The following KIF13A variants were observed in gnomAD, a reference collection of about 807,000 sequenced individuals.
KIF13A encodes the protein kinesin family member 13A, also known as kinesin-like protein KIF13A.
A neutral mutation model predicts 212.2 loss-of-function variants in KIF13A; 79 were observed. That is an observed-to-expected ratio of 0.37 (90% CI 0.31 to 0.45). The LOEUF (loss-of-function observed/expected upper bound fraction) is 0.45. Among genes scored for constraint, KIF13A ranks in the 20% least tolerant of loss-of-function variants. KIF13A has a pLI of 1.00. For synonymous variants in KIF13A, 789 were observed against 808.6 expected (o/e 0.98, Z 0.41); for missense variants, 1,901 against 2,209.0 (o/e 0.86, Z 2.79).
At chr6:17,824,759 T>TAA (rs1764799818) in intron 16 of KIF13A, among the ~76,000 whole-genome samples, 2 of 46,644 alleles carry the variant, frequency 4.3e-5, no homozygotes, top group African/African-American at 2.0e-4. Context: ...AGACTCCGTC[T>TAA]CAAAAAAAAA....
Position 17,900,997 on chromosome 6 carries a change from G to C in KIF13A, c.147-2817C>G, listed in dbSNP as rs1361448461. Among the ~76,000 whole-genome samples, 1 of 146,968 alleles carries C rather than the reference G, an allele frequency of 6.8e-6. No homozygotes were observed. Among genetic ancestry groups the C allele is most frequent in the Admixed American group, 7.0e-5 (1 of 14,288 alleles). Reference sequence around the variant, plus strand: ...GGAGGCTGAGGCAGGAGAATGGCGTGAACCCAGGAGGCGGAGCTTGCAGTG... The same window carrying C: ...GGAGGCTGAGGCAGGAGAATGGCGTCAACCCAGGAGGCGGAGCTTGCAGTG... On this transcript the variant is annotated intron_variant, in intron 2 of 38. Coordinates refer to ENST00000259711, the MANE Select transcript of KIF13A (RefSeq NM_022113.6). This position sits in a 1 kb window ranked among gnomAD's most constrained non-coding sequence, Gnocchi z 4.6.
chr6:17,779,207 T>C (rs1760263076), intron 32 of KIF13A, 108 bp from the exon 33 acceptor site: 2 of 697,266 alleles, frequency 2.9e-6, no homozygotes, highest in Non-Finnish European at 4.8e-6. Context: ...CATTCTCCAT[T>C]ATTTAGATAC....
intron 2 of KIF13A, among the ~76,000 whole-genome samples, chr6:17,949,105 G>C (rs975647675): frequency 6.6e-5 from 10 of 152,140 alleles, no homozygotes; most frequent in Admixed American, 5.9e-4. Context: ...CATCTCAAAG[G>C]AGATGCTAAA....
rs1359322743 is a variant in KIF13A, at chr6:17,968,344, T to G, written c.146+18710A>C. Among the ~76,000 whole-genome samples, 2 of 152,200 alleles carry G rather than the reference T, an allele frequency of 1.3e-5. No individual in the cohort carries two copies. The highest frequency in any genetic ancestry group is 1.9e-4 in the East Asian group (1 of 5,190). On this transcript the variant is annotated intron_variant, in intron 2 of 38. Coordinates refer to ENST00000259711, the MANE Select transcript of KIF13A (RefSeq NM_022113.6). The surrounding 1 kb of genome is among the most constrained non-coding windows in gnomAD (Gnocchi z 4.7). ...CTGGCAATCTACCAGTACCTCTCCT[T>G]TCTCTCAATTCTTTCACTCCAGTCC...
At position 17,816,437 on chromosome 6, in the gene KIF13A, A is replaced by C. The variant is rs1443026592; in HGVS notation, c.2000+583T>G. On this transcript the variant is annotated intron_variant, in intron 17 of 38. Transcript: ENST00000259711. This position sits in a 1 kb window ranked among gnomAD's most constrained non-coding sequence, Gnocchi z 4.3. Reference sequence around the variant, plus strand: ...AGGCTGGTCTTAAACTCCTGGGCTCAAGCGATCCTCCCAGTGACCTTATAG... The same window carrying C: ...AGGCTGGTCTTAAACTCCTGGGCTCCAGCGATCCTCCCAGTGACCTTATAG... Among the ~76,000 whole-genome samples the C allele has an allele frequency of 6.6e-6, 1 of 152,138 alleles. No individual in the cohort carries two copies. The highest frequency in any genetic ancestry group is 1.5e-5 in the Non-Finnish European group (1 of 68,016).
intron 2 of KIF13A, among the ~76,000 whole-genome samples, chr6:17,946,636 T>G (rs2150563714): frequency 6.6e-6 from 1 of 152,370 alleles, no homozygotes; most frequent in East Asian, 1.9e-4. Context: ...CTGATAATAT[T>G]AAGTACTGTC....
intron 2 of KIF13A, among the ~76,000 whole-genome samples, chr6:17,956,143 G>GT (rs1364554587): frequency 2.6e-5 from 4 of 152,166 alleles, no homozygotes; most frequent in African/African-American, 9.7e-5. Flanking sequence ...CCTTACATCC[G>GT]TAAGATGCAG....
chr6:17,766,962 G>A (rs1759047925), intron 38 of KIF13A, among the ~76,000 whole-genome samples: 1 of 152,170 alleles, frequency 6.6e-6, no homozygotes, highest in African/African-American at 2.4e-5. Flanking sequence ...AAATAAATGT[G>A]TAAAGGAATT....
Position 17,883,737 on chromosome 6 carries a change from G to A in KIF13A, c.160-10300C>T, listed in dbSNP as rs1007507815. Among the ~76,000 whole-genome samples the A allele has an allele frequency of 6.6e-6, 1 of 152,158 alleles. No individual in the cohort carries two copies. The highest frequency in any genetic ancestry group is 6.5e-5 in the Admixed American group (1 of 15,284). On this transcript the variant is annotated intron_variant, in intron 3 of 38. Coordinates refer to ENST00000259711, the MANE Select transcript of KIF13A (RefSeq NM_022113.6). This position sits in a 1 kb window ranked among gnomAD's most constrained non-coding sequence, Gnocchi z 4.8. ...ATCCTTTGGGTATATTGAACACAGT[G>A]AGATGTCTAGGGAAAAGAAGAAGGA...
At chr6:17,904,324 C>T (rs1280185620) in intron 2 of KIF13A, among the ~76,000 whole-genome samples, 2 of 150,866 alleles carry the variant, frequency 1.3e-5, no homozygotes, top group East Asian at 2.0e-4. Context: ...AAAAATTAGC[C>T]GGGTGTTGTG....
At chr6:17,864,190 A>G (rs1196206696) in intron 4 of KIF13A, among the ~76,000 whole-genome samples, 5 of 152,324 alleles carry the variant, frequency 3.3e-5, no homozygotes, top group Admixed American at 3.3e-4. Context: ...GTGACTTTTC[A>G]GCAGAACCGA....
At chr6:17,879,143 C>T (rs142002572) in intron 3 of KIF13A, among the ~76,000 whole-genome samples, 2 of 152,128 alleles carry the variant, frequency 1.3e-5, no homozygotes. Context: ...CCCTTTCCCT[C>T]CTATGAAATT....
At chr6:17,944,059 T>C (rs1777171897) in intron 2 of KIF13A, among the ~76,000 whole-genome samples, 1 of 152,226 alleles carries the variant, frequency 6.6e-6, no homozygotes, top group African/African-American at 2.4e-5. Context: ...TTATGTGGCA[T>C]CTCCAACTCT....
intron 20 of KIF13A, among the ~76,000 whole-genome samples, chr6:17,801,974 GATT>G (rs1762506661): frequency 1.3e-5 from 2 of 152,138 alleles, no homozygotes. Flanking sequence ...AGAGGAAAAG[GATT>G]ATTCTAAAAT....
intron 16 of KIF13A, among the ~76,000 whole-genome samples, chr6:17,817,959 A>G (rs1764096368): frequency 6.6e-6 from 1 of 152,224 alleles, no homozygotes; most frequent in Non-Finnish European, 1.5e-5. Flanking sequence ...TGGTTGTGGT[A>G]TAGGTAAATC....
chr6:17,935,908 A>G (rs1017407983), intron 2 of KIF13A, among the ~76,000 whole-genome samples: 1 of 152,212 alleles, frequency 6.6e-6, no homozygotes, highest in Admixed American at 6.5e-5. Context: ...TCTTAAAGCC[A>G]TATTTCCTCT....
rs368759527 is a variant in KIF13A, at chr6:17,856,002, C to T, written c.313+28G>A. Reference sequence around the variant, plus strand: ...CTGGGATTATAGGCATGATCCCCCACATCTGGTCTATAAAAGCAACTTCTT... The same window carrying T: ...CTGGGATTATAGGCATGATCCCCCATATCTGGTCTATAAAAGCAACTTCTT... On this transcript the variant is annotated intron_variant, in intron 5 of 38. Coordinates refer to ENST00000259711, the MANE Select transcript of KIF13A (RefSeq NM_022113.6). The surrounding 1 kb of genome is among the most constrained non-coding windows in gnomAD (Gnocchi z 4.5). 90 of 1,463,596 alleles carry T rather than the reference C, an allele frequency of 6.1e-5. No homozygotes were observed. The African/African-American group carries it at 9.0e-4, about 15-fold the overall frequency. The allele number at this position is 1,463,596 out of a possible 1,614,324, so 90.7% of individuals were successfully genotyped here. A position where few individuals can be genotyped will look rare whatever the true frequency, so the allele number is the denominator to read the frequency against.
At chr6:17,981,428 T>C (rs1220289990) in intron 2 of KIF13A, among the ~76,000 whole-genome samples, 1 of 142,996 alleles carries the variant, frequency 7.0e-6, no homozygotes, top group African/African-American at 2.6e-5. Context: ...TCTTTTTTCT[T>C]TTTTTTTTTT....
At chr6:17,774,247 A>G (rs995101886) in intron 35 of KIF13A, among the ~76,000 whole-genome samples, 7 of 152,094 alleles carry the variant, frequency 4.6e-5, no homozygotes, top group African/African-American at 1.7e-4. Context: ...AGTAACTCAT[A>G]TATAATATGT....
Sources: allele counts gnomAD v4.1 joint callset (sites outside exome capture counted in the v4.1 genomes callset), GRCh38; gene constraint gnomAD v4.1.1; non-coding constraint Gnocchi (gnomAD v3.1); transcripts MANE v1.5; gene names NCBI Gene and HGNC (gene_info 2026-07-23, HGNC 2026-07-21).